The following VPS13B variants were observed in gnomAD, a reference collection of about 807,000 sequenced individuals.
VPS13B encodes intermembrane lipid transfer protein VPS13B.
Under a neutral mutation model 426.4 loss-of-function variants are expected in VPS13B, and 285 were observed. That is an observed-to-expected ratio of 0.67 (90% CI 0.61 to 0.74). VPS13B has a LOEUF of 0.74. VPS13B is among the 30% of genes least tolerant of loss of function. The pLI is 0.00. For synonymous variants in VPS13B, 1,676 were observed against 1,676.4 expected, an observed-to-expected ratio of 1.00 and a Z score of 0.01; for missense variants, 4,537 against 4,782.6, an observed-to-expected ratio of 0.95 and a Z score of 1.51.
At chr8:99,055,132 G>A (rs540532373) in intron 3 of VPS13B, among the ~76,000 whole-genome samples, 64 of 147,590 alleles carry the variant, frequency 4.3e-4, no homozygotes, top group Middle Eastern at 3.5e-3. Context: ...CTCTGCTTTC[G>A]TGCTTAAGTG....
chr8:99,665,863 T>C (rs1830465454), intron 35 of VPS13B, among the ~76,000 whole-genome samples: 1 of 152,162 alleles, frequency 6.6e-6, no homozygotes, highest in Non-Finnish European at 1.5e-5. Context: ...AGGAAAGTCA[T>C]TGGTAGCTTG....
At chr8:99,190,146 C>T (rs571061306) in intron 16 of VPS13B, among the ~76,000 whole-genome samples, 20 of 152,046 alleles carry the variant, frequency 1.3e-4, no homozygotes, top group Admixed American at 5.9e-4. Context: ...ACCATGTTAT[C>T]ATTATGAAAA....
At position 99,654,702 on chromosome 8, in the gene VPS13B, A is replaced by T. The variant is rs190889238; in HGVS notation, c.5909-6652A>T. On this transcript the variant is annotated intron_variant, in intron 34 of 61. Transcript: ENST00000357162. ...CTGGCAGAGGCTGCTTGGGAGCTTT[A>T]ATAACATCAATTTCATAGATAGCCA... Among the ~76,000 whole-genome samples the T allele has an allele frequency of 3.3e-5, 5 of 152,260 alleles. No individual in the cohort carries two copies. The East Asian group carries it at 9.7e-4, about 29-fold the overall frequency.
At chr8:99,391,232 A>T (rs1814425509) in intron 20 of VPS13B, among the ~76,000 whole-genome samples, 1 of 152,120 alleles carries the variant, frequency 6.6e-6, no homozygotes, top group Admixed American at 6.6e-5. Context: ...ATATTATTTT[A>T]ATACTTCTTA....
chr8:99,185,250 G>C (rs1048761529), intron 16 of VPS13B, among the ~76,000 whole-genome samples: 1 of 152,200 alleles, frequency 6.6e-6, no homozygotes. Flanking sequence ...TGAATATACA[G>C]AGGTCTGCAG....
intron 2 of VPS13B, among the ~76,000 whole-genome samples, chr8:99,028,757 C>T (rs1474525590): frequency 2.2e-5 from 3 of 138,240 alleles, no homozygotes; most frequent in African/African-American, 5.4e-5. Flanking sequence ...GGCAACTGGC[C>T]GGGCAGAGGG....
intron 39 of VPS13B, among the ~76,000 whole-genome samples, chr8:99,747,027 T>C (rs1427036416): frequency 1.3e-5 from 2 of 152,152 alleles, no homozygotes; most frequent in Non-Finnish European, 2.9e-5. Context: ...TCTATAAGTC[T>C]TTAAACATCA....
chr8:99,606,718 T>C (rs983928814), intron 33 of VPS13B, among the ~76,000 whole-genome samples: 2 of 145,974 alleles, frequency 1.4e-5, no homozygotes, highest in Admixed American at 1.4e-4. Context: ...AACCTCCGCC[T>C]CCCAGATTCA....
At chr8:99,623,419 C>T (rs1828453678) in intron 33 of VPS13B, among the ~76,000 whole-genome samples, 1 of 152,144 alleles carries the variant, frequency 6.6e-6, no homozygotes, top group Admixed American at 6.5e-5. Flanking sequence ...TTATTTGTGA[C>T]ATTTCCCTAC....
chr8:99,022,166 G>A (rs7012513), intron 2 of VPS13B, among the ~76,000 whole-genome samples: 112,067 of 150,982 alleles, frequency 0.74, 42,193 homozygotes, highest in South Asian at 0.87. Context: ...TTTGGATTTG[G>A]TTTACTTTTC....
intron 33 of VPS13B, among the ~76,000 whole-genome samples, chr8:99,618,207 G>T (rs549053735): frequency 7.2e-4 from 109 of 150,510 alleles, no homozygotes; most frequent in Non-Finnish European, 1.3e-3. Context: ...CTGATAAAAA[G>T]CCTTGATACC....
intron 7 of VPS13B, among the ~76,000 whole-genome samples, chr8:99,119,070 G>T (rs1051552109): frequency 1.3e-5 from 2 of 151,966 alleles, no homozygotes; most frequent in African/African-American, 4.8e-5. Context: ...TTTGCCATTG[G>T]GATGAGTGTG....
intron 21 of VPS13B, among the ~76,000 whole-genome samples, chr8:99,418,172 A>C (rs1028201657): frequency 1.8e-4 from 28 of 152,120 alleles, no homozygotes; most frequent in African/African-American, 6.8e-4. Flanking sequence ...CCAGTTCTTA[A>C]TCTAAGCCTT....
At chr8:99,119,955 A>G (rs1588058900) in intron 7 of VPS13B, 1 of 152,040 alleles carries the variant, frequency 6.6e-6, no homozygotes, top group Non-Finnish European at 1.5e-5. Context: ...GGTATGAAAC[A>G]TGGCTCACTG....
chr8:99,114,953 A>C (rs1847575819), intron 6 of VPS13B, among the ~76,000 whole-genome samples: 1 of 152,174 alleles, frequency 6.6e-6, no homozygotes, highest in South Asian at 2.1e-4. Context: ...CTCTTTCTTT[A>C]AGGAGAGCTT....
intron 33 of VPS13B, among the ~76,000 whole-genome samples, chr8:99,593,462 G>C (rs1187394599): frequency 6.6e-6 from 1 of 152,066 alleles, no homozygotes; most frequent in African/African-American, 2.4e-5. Context: ...ACTGTTGAGT[G>C]GGAGTATAAA....
intron 33 of VPS13B, among the ~76,000 whole-genome samples, chr8:99,607,973 T>C (rs1208180882): frequency 6.6e-6 from 1 of 152,136 alleles, no homozygotes; most frequent in African/African-American, 2.4e-5. Flanking sequence ...CTAGATTCCT[T>C]TATTTGCTTC....
chr8:99,427,217 T>C (rs1250126834), intron 21 of VPS13B, among the ~76,000 whole-genome samples: 1 of 81,814 alleles, frequency 1.2e-5, no homozygotes, highest in African/African-American at 5.1e-5. Context: ...AAAGATCAGA[T>C]AGTTGTAGGT....
chr8:99,189,722 G>A (rs1357997857), intron 16 of VPS13B, among the ~76,000 whole-genome samples: 1 of 151,630 alleles, frequency 6.6e-6, no homozygotes, highest in Non-Finnish European at 1.5e-5. Context: ...TATCTACCAC[G>A]TTCCTAATTT....
Sources: allele counts gnomAD v4.1 joint callset (sites outside exome capture counted in the v4.1 genomes callset), GRCh38; gene constraint gnomAD v4.1.1; transcripts MANE v1.5; gene names NCBI Gene and HGNC (gene_info 2026-07-23, HGNC 2026-07-21).